Variants in WRN observed in about 807,000 individuals in gnomAD.
The protein encoded by WRN is WRN RecQ like helicase.
Under a neutral mutation model 180.7 loss-of-function variants are expected in WRN, and 149 were observed. That is an observed-to-expected ratio of 0.82 (90% CI 0.72 to 0.94). The LOEUF (loss-of-function observed/expected upper bound fraction) is 0.94. WRN is among the 40% of genes least tolerant of loss of function. WRN has a pLI of 0.00. For missense variants in WRN, 1,661 were observed against 1,700.1 expected, an observed-to-expected ratio of 0.98 and a Z score of 0.40; for synonymous variants, 548 against 568.9, an observed-to-expected ratio of 0.96 and a Z score of 0.52.
intron 24 of WRN, among the ~76,000 whole-genome samples, chr8:31,139,000 A>G (rs541475682): frequency 1.3e-5 from 2 of 152,140 alleles, no homozygotes; most frequent in Non-Finnish European, 2.9e-5. Context: ...AATATTTATG[A>G]TGTGATTTAT....
At position 31,067,164 on chromosome 8, in the gene WRN, T is replaced by C. The variant is rs2130050627; in HGVS notation, c.636T>C (p.Tyr212=). The change falls in exon 6 of 35, where the codon TAT becomes TAC. Residue 212 remains tyrosine (Y), a synonymous_variant. Transcript: ENST00000298139. The stretch of plus-strand genomic sequence containing the variant: ...CTCTCACTGAGGACCAGAAACTGTA[T>C]GCAGCCACTGATGCTTATGTACGTG... ...KFPLTEDQKL[Y]AATDAYAGFI... 1 of 1,613,814 alleles carries C rather than the reference T, an allele frequency of 6.2e-7. No individual in the cohort carries two copies. The highest frequency in any genetic ancestry group is 8.5e-7 in the Non-Finnish European group (1 of 1,179,952).
At chr8:31,051,282 T>A (rs1812069228) in intron 1 of WRN, among the ~76,000 whole-genome samples, 1 of 152,130 alleles carries the variant, frequency 6.6e-6, no homozygotes. Flanking sequence ...GTGTTAAATT[T>A]GTCTATTTTC....
chr8:31,067,426 G>A (rs1348285647), intron 6 of WRN, among the ~76,000 whole-genome samples: 2 of 152,144 alleles, frequency 1.3e-5, no homozygotes, highest in East Asian at 3.8e-4. Context: ...CCAAATTAAT[G>A]TCTAATTTGT....
chr8:31,079,456 A>G (rs985241009), intron 8 of WRN, among the ~76,000 whole-genome samples: 1 of 152,164 alleles, frequency 6.6e-6, no homozygotes, highest in Non-Finnish European at 1.5e-5. Flanking sequence ...CTTCACTTTC[A>G]CTGATTTCTG....
chr8:31,154,596 C>G, intron 31 of WRN, 28 bp from the exon 32 acceptor site: 1 of 1,596,434 alleles, frequency 6.3e-7, no homozygotes, highest in Non-Finnish European at 8.6e-7. Flanking sequence ...TATTACTGAT[C>G]ATTTGTGCTA....
chr8:31,163,567 G>A (rs890245663), intron 33 of WRN, among the ~76,000 whole-genome samples: 2 of 152,014 alleles, frequency 1.3e-5, no homozygotes, highest in African/African-American at 2.4e-5. Flanking sequence ...TAGGATATGG[G>A]TATATAAACT....
chr8:31,118,257 G>A (rs138903368), intron 20 of WRN, among the ~76,000 whole-genome samples: 1 of 151,938 alleles, frequency 6.6e-6, no homozygotes, highest in African/African-American at 2.4e-5. Context: ...TATGTGTTGC[G>A]GTATTCTCCC....
Position 31,111,606 on chromosome 8 carries a change from A to G in WRN, c.2089-9A>G, listed in dbSNP as rs536406883. ...TTCCTTTTTAAAATATCAGTTTTAC[A>G]TCATTCAGGTTCCAATCGTTGCACT... is the stretch of plus-strand genomic sequence containing the variant. On this transcript the variant is annotated splice_polypyrimidine_tract_variant and intron_variant, in intron 18 of 34. Transcript: ENST00000298139. 7.3e-5 allele frequency: 118 copies of G among 1,613,756 alleles called. No individual in the cohort carries two copies. The highest frequency in any genetic ancestry group is 9.1e-5 in the Non-Finnish European group (107 of 1,179,822).
chr8:31,079,477 G>T (rs1399121973), intron 8 of WRN, among the ~76,000 whole-genome samples: 1 of 152,162 alleles, frequency 6.6e-6, no homozygotes, highest in Non-Finnish European at 1.5e-5. Flanking sequence ...CTTTTATGAA[G>T]TACTTTAATA....
At chr8:31,147,010 G>T (rs540573392) in intron 28 of WRN, 43 bp from the exon 29 acceptor site, 9 of 1,506,840 alleles carry the variant, frequency 6.0e-6, no homozygotes, top group African/African-American at 5.6e-5. Flanking sequence ...TCAATGAGGA[G>T]AAAGAAAAGC....
chr8:31,161,570 G>A (rs1165929013), intron 33 of WRN, among the ~76,000 whole-genome samples: 1 of 152,196 alleles, frequency 6.6e-6, no homozygotes, highest in Non-Finnish European at 1.5e-5. Flanking sequence ...TGGGCATGGT[G>A]GCTCACGCCT....
chr8:31,122,940 G>A (rs1801782260), intron 21 of WRN, among the ~76,000 whole-genome samples: 1 of 134,116 alleles, frequency 7.5e-6, no homozygotes, highest in African/African-American at 2.7e-5. Context: ...AAAAAGAACT[G>A]ATTTTTATCC....
chr8:31,147,583 G>A lies in WRN; in HGVS notation c.3572+107G>A, dbSNP rs951756274. 6.6e-6 allele frequency: 7 copies of A among 1,058,274 alleles called. No individual in the cohort carries two copies. In the African/African-American group the frequency reaches 9.5e-5, roughly 14 times the overall value. 65.6% of individuals were successfully genotyped at this position (1,058,274 alleles called of 1,614,324 possible). ...CCATAGCTTCCACTGTCACATCTGG[G>A]AGGTGACTCAGATTCCCCCTGCTGC... is the stretch of plus-strand genomic sequence containing the variant. On this transcript the variant is annotated intron_variant, in intron 30 of 34. Coordinates refer to ENST00000298139, the MANE Select transcript of WRN (RefSeq NM_000553.6).
intron 7 of WRN, among the ~76,000 whole-genome samples, chr8:31,072,710 G>A (rs934799826): frequency 6.6e-6 from 1 of 152,234 alleles, no homozygotes; most frequent in African/African-American, 2.4e-5. Context: ...TAGAAGCTTA[G>A]TTTGGAAAGG....
Position 31,081,159 on chromosome 8 carries a change from G to A in WRN, c.1132G>A (p.Val378Ile), listed in dbSNP as rs1183420724. ...AAAAGAAGATGGATTTGAAGATGGA[G>A]TAGAAGACAACAAATTGAAAGAGAA... ...ERKEDGFEDG[V>I]EDNKLKENME... The change falls in exon 9 of 35, where the codon GTA (valine) becomes ATA (isoleucine). Residue 378 changes from valine to isoleucine, a missense_variant. By Grantham distance (29) the Val-to-Ile change is conservative. Coordinates refer to ENST00000298139, the MANE Select transcript of WRN (RefSeq NM_000553.6). 3.1e-6 allele frequency: 5 copies of A among 1,614,020 alleles called. No homozygotes were observed. The highest frequency in any genetic ancestry group is 4.2e-6 in the Non-Finnish European group (5 of 1,179,974).
At chr8:31,120,868 T>C (rs868520928) in intron 21 of WRN, among the ~76,000 whole-genome samples, 1 of 152,016 alleles carries the variant, frequency 6.6e-6, no homozygotes, top group Non-Finnish European at 1.5e-5. Flanking sequence ...TTCCAGAGGA[T>C]TTCTCTCAGT....
At chr8:31,056,367 C>T (rs752523027) in intron 1 of WRN, among the ~76,000 whole-genome samples, 39 of 152,096 alleles carry the variant, frequency 2.6e-4, no homozygotes, top group Non-Finnish European at 4.1e-4. Flanking sequence ...CTTCTCCTGT[C>T]AAGGATTTTG....
intron 1 of WRN, among the ~76,000 whole-genome samples, chr8:31,035,073 C>T (rs1811397661): frequency 6.6e-6 from 1 of 152,030 alleles, no homozygotes; most frequent in Admixed American, 6.5e-5. Flanking sequence ...TTTTTTCCCC[C>T]ACAGTGGTCT....
At chr8:31,100,286 T>A (rs982195792) in intron 17 of WRN, among the ~76,000 whole-genome samples, 6 of 152,172 alleles carry the variant, frequency 3.9e-5, no homozygotes, top group Non-Finnish European at 5.9e-5. Context: ...AAATAACATT[T>A]CTTCTTACTA....
Sources: allele counts gnomAD v4.1 joint callset (sites outside exome capture counted in the v4.1 genomes callset), GRCh38; gene constraint gnomAD v4.1.1; transcripts MANE v1.5; gene names NCBI Gene and HGNC (gene_info 2026-07-23, HGNC 2026-07-21).